FGF12: variants seen among roughly 807,000 people sequenced by gnomAD.
FGF12 encodes the protein fibroblast growth factor 12B.
A neutral mutation model predicts 23.6 loss-of-function variants in FGF12; 14 were observed. The observed-to-expected ratio is 0.59, with a 90% CI of 0.39 to 0.93. FGF12 has a LOEUF of 0.93. Ranked by LOEUF, FGF12 falls within the 40% of genes least tolerant of loss-of-function variation. FGF12 has a pLI of 0.00. For synonymous variants in FGF12, 62 were observed against 77.3 expected (o/e 0.80, Z 1.04); for missense variants, 175 against 217.8 (o/e 0.80, Z 1.24).
At chr3:192,663,501 G>C (rs1434550818) in intron 2 of FGF12, among the ~76,000 whole-genome samples, 1 of 152,060 alleles carries the variant, frequency 6.6e-6, no homozygotes. Flanking sequence ...AAAATCTTAG[G>C]CAGATGAGTA....
At chr3:192,230,688 A>C (rs1166919734) in intron 4 of FGF12, among the ~76,000 whole-genome samples, 2 of 152,174 alleles carry the variant, frequency 1.3e-5, no homozygotes, top group Non-Finnish European at 2.9e-5. Context: ...TGTCAGACTA[A>C]CCTAGAGTTT....
At chr3:192,584,071 G>T (rs1713270907) in intron 2 of FGF12, among the ~76,000 whole-genome samples, 1 of 152,196 alleles carries the variant, frequency 6.6e-6, no homozygotes. Context: ...CCATTTAAGA[G>T]ACGTGGAACT....
At chr3:192,430,754 C>T (rs554729242) in intron 2 of FGF12, among the ~76,000 whole-genome samples, 2 of 152,200 alleles carry the variant, frequency 1.3e-5, no homozygotes, top group South Asian at 2.1e-4. Context: ...GAAGGCATTT[C>T]GCCACCATGA....
At chr3:192,616,697 C>T (rs1443196271) in intron 2 of FGF12, among the ~76,000 whole-genome samples, 1 of 151,964 alleles carries the variant, frequency 6.6e-6, no homozygotes, top group Admixed American at 6.6e-5. Context: ...GAGTTCTTTT[C>T]CAGCTTGGTT....
At chr3:192,725,851 T>A (rs1271143954) in intron 2 of FGF12, among the ~76,000 whole-genome samples, 1 of 152,210 alleles carries the variant, frequency 6.6e-6, no homozygotes, top group Non-Finnish European at 1.5e-5. Flanking sequence ...AAATGGAGTA[T>A]AATAGAGTTA....
chr3:192,593,799 G>C (rs1713725567), intron 2 of FGF12, among the ~76,000 whole-genome samples: 1 of 151,850 alleles, frequency 6.6e-6, no homozygotes, highest in African/African-American at 2.4e-5. Context: ...TCCCTCTGAG[G>C]CTTGAAAGAT....
At chr3:192,724,932 C>T (rs1279431394) in intron 2 of FGF12, among the ~76,000 whole-genome samples, 2 of 152,268 alleles carry the variant, frequency 1.3e-5, no homozygotes, top group East Asian at 3.9e-4. Flanking sequence ...CGCAATATGA[C>T]TCTATCTTTA....
chr3:192,265,412 A>C (rs1003479554), intron 4 of FGF12: 1 of 152,242 alleles, frequency 6.6e-6, no homozygotes, highest in Middle Eastern at 3.4e-3. Flanking sequence ...GGCCTCATAT[A>C]AAGGGTAGGT....
At chr3:192,187,645 G>C (rs777265746) in intron 4 of FGF12, among the ~76,000 whole-genome samples, 10 of 152,130 alleles carry the variant, frequency 6.6e-5, no homozygotes, top group Non-Finnish European at 1.5e-4. Context: ...CTTCCTTCTT[G>C]AATAAGAATC....
At chr3:192,625,623 T>C (rs897323974) in intron 2 of FGF12, among the ~76,000 whole-genome samples, 28 of 152,260 alleles carry the variant, frequency 1.8e-4, no homozygotes, top group Admixed American at 3.3e-4. Context: ...TCTTAAAAAC[T>C]GAGCAAATAC....
intron 4 of FGF12, among the ~76,000 whole-genome samples, chr3:192,272,552 A>C (rs1179919788): frequency 6.6e-6 from 1 of 152,174 alleles, no homozygotes; most frequent in African/African-American, 2.4e-5. Flanking sequence ...ACAATGGAGA[A>C]GGGGGCTCTA....
chr3:192,548,822 C>A (rs1213860939), intron 2 of FGF12, among the ~76,000 whole-genome samples: 1 of 151,972 alleles, frequency 6.6e-6, no homozygotes, highest in Non-Finnish European at 1.5e-5. Flanking sequence ...TTAAAAAAAA[C>A]CTGGCAATAT....
intron 4 of FGF12, among the ~76,000 whole-genome samples, chr3:192,183,168 T>C (rs1294422562): frequency 6.6e-6 from 1 of 151,824 alleles, no homozygotes; most frequent in Admixed American, 6.6e-5. Context: ...ATCCTTTTTA[T>C]GGATCTGGAG....
At chr3:192,354,736 C>T (rs1718388700) in intron 3 of FGF12, among the ~76,000 whole-genome samples, 1 of 152,148 alleles carries the variant, frequency 6.6e-6, no homozygotes, top group Admixed American at 6.5e-5. Flanking sequence ...GACAGAGTCT[C>T]GCTGTGTCAC....
intron 4 of FGF12, among the ~76,000 whole-genome samples, chr3:192,303,256 A>T (rs185864685): frequency 6.6e-6 from 1 of 152,342 alleles, no homozygotes; most frequent in Non-Finnish European, 1.5e-5. Context: ...AAAAGCAATG[A>T]AATGCATCAA....
At chr3:192,249,248 T>C (rs934163482) in intron 4 of FGF12, among the ~76,000 whole-genome samples, 2 of 152,266 alleles carry the variant, frequency 1.3e-5, no homozygotes, top group Middle Eastern at 3.4e-3. Flanking sequence ...TAAAACACTA[T>C]TATAGAGAAC....
At chr3:192,508,406 A>G (rs1362971048) in intron 2 of FGF12, among the ~76,000 whole-genome samples, 1 of 152,252 alleles carries the variant, frequency 6.6e-6, no homozygotes, top group Non-Finnish European at 1.5e-5. Flanking sequence ...TAAATTAGAC[A>G]AAGAACAATA....
chr3:192,501,618 C>T (rs1724135596), intron 2 of FGF12, among the ~76,000 whole-genome samples: 1 of 152,162 alleles, frequency 6.6e-6, no homozygotes, highest in South Asian at 2.1e-4. Flanking sequence ...ACAACCATAC[C>T]ACTCAACTAG....
intron 3 of FGF12, among the ~76,000 whole-genome samples, chr3:192,355,888 C>T (rs1236563282): frequency 6.6e-6 from 1 of 152,164 alleles, no homozygotes; most frequent in Admixed American, 6.5e-5. Context: ...GACATGATTA[C>T]AGGGTCTTGC....
Sources: gnomAD v4.1 joint callset for allele counts (sites outside exome capture counted in the v4.1 genomes callset) on GRCh38, gnomAD v4.1.1 for gene constraint, MANE v1.5 for transcripts, NCBI Gene and HGNC (gene_info 2026-07-23, HGNC 2026-07-21) for gene names.